Variants in GLB1 observed in about 807,000 individuals in gnomAD.
GLB1 encodes the protein galactosidase beta 1.
Under a neutral mutation model 74.0 loss-of-function variants are expected in GLB1, and 56 were observed. The ratio of observed to expected loss-of-function variants is 0.76; its 90% CI spans 0.61 to 0.94. GLB1 has a LOEUF of 0.94. Among genes scored for constraint, GLB1 ranks in the 40% least tolerant of loss-of-function variants. The probability of loss-of-function intolerance (pLI) is 0.00; values close to 1 mark genes in which losing one functional copy is unlikely to be tolerated. For synonymous variants in GLB1, 323 were observed against 323.6 expected (o/e 1.00, Z 0.02); for missense variants, 787 against 845.5 (o/e 0.93, Z 0.86).
intron 10 of GLB1, chr3:33,038,035 A>T (rs1009205844): frequency 6.6e-6 from 1 of 150,738 alleles, no homozygotes; most frequent in Non-Finnish European, 1.5e-5. Context: ...AAAAAAAAAA[A>T]AAAAAAAAAA....
chr3:33,030,569 C>A, intron 10 of GLB1: 2 of 985,442 alleles, frequency 2.0e-6, no homozygotes, highest in South Asian at 9.4e-5. Flanking sequence ...ATAAACAGTG[C>A]AGGATGATCA....
intron 1 of GLB1, among the ~76,000 whole-genome samples, chr3:33,085,983 T>A (rs1700491213): frequency 6.6e-6 from 1 of 150,986 alleles, no homozygotes; most frequent in South Asian, 2.1e-4. Flanking sequence ...GAGGCCAAAG[T>A]GAGTGTATCG....
At chr3:33,041,726 A>T (rs189780567) in intron 10 of GLB1, among the ~76,000 whole-genome samples, 38 of 152,146 alleles carry the variant, frequency 2.5e-4, no homozygotes, top group South Asian at 1.7e-3. Flanking sequence ...TGAAAAAAAA[A>T]TTTTCAGACA....
At chr3:32,977,539 C>T in the GLB1 span, among the ~76,000 whole-genome samples, 1 of 152,114 alleles carries the variant, frequency 6.6e-6, no homozygotes, top group Non-Finnish European at 1.5e-5. Context: ...AGCGAAGGGG[C>T]ACCTCAGCTG....
Position 33,058,200 on chromosome 3 carries a change from G to A in GLB1, c.622C>T (p.Arg208Cys), listed in dbSNP as rs72555366. Residue 208 changes from arginine to cysteine, a missense_variant, in exon 6 of 16, where the codon CGC becomes TGC. Arg to Cys is a radical substitution (Grantham distance 180, BLOSUM62 -3). Coordinates refer to ENST00000307363, the MANE Select transcript of GLB1 (RefSeq NM_000404.4). ...ACCACATCATCCCCCAGATGGTGGC[G>A]AAAGCGCTTCTGCAGGAAGCGCAGG... Reference protein sequence around the residue: ...DYLRFLQKRFRHHLGDDVVLF... With the variant: ...DYLRFLQKRFCHHLGDDVVLF... 2.5e-5 allele frequency: 41 copies of A among 1,614,086 alleles called. No individual in the cohort carries two copies. The Admixed American group carries it at 2.8e-4, about 11-fold the overall frequency.
chr3:33,033,796 A>AG, intron 10 of GLB1: 1 of 293,016 alleles, frequency 3.4e-6, no homozygotes. Flanking sequence ...AAAAAAAAAA[A>AG]AGGTGGTAAG....
intron 5 of GLB1, among the ~76,000 whole-genome samples, chr3:33,065,052 T>C (rs934829914): frequency 2.0e-5 from 3 of 152,142 alleles, no homozygotes; most frequent in Admixed American, 2.0e-4. Flanking sequence ...GATACCAAAG[T>C]GTTTCAGTCC....
chr3:32,964,591 T>C, the GLB1 span, among the ~76,000 whole-genome samples: 1 of 152,174 alleles, frequency 6.6e-6, no homozygotes, highest in Non-Finnish European at 1.5e-5. Flanking sequence ...ACAACAGAAG[T>C]CTGATTGATG....
chr3:33,026,378 T>A (rs1478839492), intron 10 of GLB1, among the ~76,000 whole-genome samples: 2 of 152,112 alleles, frequency 1.3e-5, no homozygotes, highest in Non-Finnish European at 2.9e-5. Flanking sequence ...TGGGCACCGA[T>A]GAGCACAGGA....
chr3:33,035,188 C>A (rs543314037), intron 10 of GLB1, among the ~76,000 whole-genome samples: 14 of 152,172 alleles, frequency 9.2e-5, no homozygotes. Flanking sequence ...TGCCAGCACT[C>A]TGGGAGGCCA....
intron 1 of GLB1, chr3:33,092,255 T>G: frequency 1.0e-6 from 1 of 985,786 alleles, no homozygotes; most frequent in Non-Finnish European, 1.2e-6. Context: ...CAGTAGATTT[T>G]GCTGATGCCC....
At position 33,048,456 on chromosome 3, in the gene GLB1, C is replaced by T. The variant is rs115312187; in HGVS notation, c.956-2224G>A. Among the ~76,000 whole-genome samples, 897 of 152,268 alleles carry T rather than the reference C, an allele frequency of 5.9e-3. 9 individuals carry two copies. Among genetic ancestry groups the T allele is most frequent in the African/African-American group, 0.021 (864 of 41,538 alleles). ...CCACATTGTGTGAGAAGTACAGGAG[C>T]GCCTGGACCCTGTAGGCAGCCATCA... is the stretch of plus-strand genomic sequence containing the variant. On this transcript the variant is annotated intron_variant, in intron 9 of 15. Coordinates refer to ENST00000307363, the MANE Select transcript of GLB1 (RefSeq NM_000404.4).
chr3:32,983,032 C>T, the GLB1 span, among the ~76,000 whole-genome samples: 110,898 of 151,972 alleles, frequency 0.73, 43,341 homozygotes, highest in Non-Finnish European at 0.89. Context: ...TTTTAAGATG[C>T]TTCTATTTGT....
intron 10 of GLB1, among the ~76,000 whole-genome samples, chr3:33,026,156 G>A (rs1370076962): frequency 7.1e-6 from 1 of 141,282 alleles, no homozygotes; most frequent in African/African-American, 2.5e-5. Context: ...AAACATCTCT[G>A]CACTCTTGGG....
rs753674336 is a variant in GLB1 at position 33,093,089 on chromosome 3, G to A, written c.75+3922C>T. 6.2e-7 allele frequency: 1 copy of A among 1,614,106 alleles called. No homozygotes were observed. The highest frequency in any genetic ancestry group is 1.3e-5 in the African/African-American group (1 of 74,940). ...GAGCTCTCTTGGCAGCCAGGGGCTG[G>A]TGAGCTAGCAAGATGATTGTGTGGT... On this transcript the variant is annotated intron_variant, in intron 1 of 15. Coordinates refer to ENST00000307363, the MANE Select transcript of GLB1 (RefSeq NM_000404.4). This position sits in a 1 kb window ranked among gnomAD's most constrained non-coding sequence, Gnocchi z 6.0.
chr3:33,029,295 T>C (rs890228393), intron 10 of GLB1, among the ~76,000 whole-genome samples: 12 of 152,198 alleles, frequency 7.9e-5, no homozygotes, highest in African/African-American at 2.9e-4. Flanking sequence ...ACCGGACACA[T>C]TCAACACGGG....
intron 10 of GLB1, among the ~76,000 whole-genome samples, chr3:33,039,013 C>T (rs930915104): frequency 3.3e-5 from 5 of 151,972 alleles, no homozygotes; most frequent in African/African-American, 1.2e-4. Flanking sequence ...AAGCCAGGGC[C>T]GGGCGTAGTG....
intron 10 of GLB1, among the ~76,000 whole-genome samples, chr3:33,025,435 A>C (rs1697699872): frequency 6.6e-6 from 1 of 152,222 alleles, no homozygotes; most frequent in Non-Finnish European, 1.5e-5. Flanking sequence ...ACGTCTTAGA[A>C]ATGTCTGTAG....
Position 33,058,272 on chromosome 3 carries a change from G to A in GLB1, c.553-3C>T. 6.2e-7 allele frequency: 1 copy of A among 1,614,074 alleles called. No homozygotes were observed. Among genetic ancestry groups the A allele is most frequent in the African/African-American group, 1.3e-5 (1 of 75,040 alleles). Reference sequence around the variant, plus strand: ...TAGCTGCCATATTCATTTTCAACCTGTGAGTGAAAAAAGAGCAGGGAAAAA... The same window carrying A: ...TAGCTGCCATATTCATTTTCAACCTATGAGTGAAAAAAGAGCAGGGAAAAA... On this transcript the variant is annotated splice_polypyrimidine_tract_variant and splice_region_variant and intron_variant, in intron 5 of 15. Transcript: ENST00000307363.
Sources: gnomAD v4.1 joint callset for allele counts (sites outside exome capture counted in the v4.1 genomes callset) on GRCh38, gnomAD v4.1.1 for gene constraint, Gnocchi (gnomAD v3.1) non-coding constraint, MANE v1.5 for transcripts, NCBI Gene and HGNC (gene_info 2026-07-23, HGNC 2026-07-21) for gene names.